NELL2: variants seen among roughly 807,000 people sequenced by gnomAD.
NELL2 encodes neural EGFL like 2.
Under a neutral mutation model 109.6 loss-of-function variants are expected in NELL2, and 41 were observed. The observed-to-expected ratio is 0.37, with a 90% CI of 0.29 to 0.49. The LOEUF (loss-of-function observed/expected upper bound fraction) is 0.49. Among genes scored for constraint, NELL2 ranks in the 20% least tolerant of loss-of-function variants. The pLI, the probability that NELL2 is intolerant of heterozygous loss-of-function variation, is 0.98. For missense variants in NELL2, 900 were observed against 1,008.3 expected (o/e 0.89, Z 1.45); for synonymous variants, 355 against 344.7 (o/e 1.03, Z -0.33).
At chr12:44,743,196 A>C (rs1201468443) in intron 9 of NELL2, among the ~76,000 whole-genome samples, 1 of 152,226 alleles carries the variant, frequency 6.6e-6, no homozygotes, top group African/African-American at 2.4e-5. Flanking sequence ...ATATCCACCC[A>C]AACTAAGCTT....
intron 9 of NELL2, among the ~76,000 whole-genome samples, chr12:44,730,582 AC>A (rs1939316732): frequency 6.6e-6 from 1 of 152,146 alleles, no homozygotes; most frequent in African/African-American, 2.4e-5. Context: ...ATACCTTGAG[AC>A]AAAGAAAATA....
intron 15 of NELL2, among the ~76,000 whole-genome samples, chr12:44,542,099 T>C (rs1021153695): frequency 1.3e-5 from 2 of 152,168 alleles, no homozygotes; most frequent in Non-Finnish European, 2.9e-5. Context: ...CTTAGAAGTT[T>C]TATGTTCCAT....
intron 13 of NELL2, among the ~76,000 whole-genome samples, chr12:44,646,655 T>C (rs562009513): frequency 6.6e-6 from 1 of 152,312 alleles, no homozygotes; most frequent in South Asian, 2.1e-4. Context: ...TACAGATGAC[T>C]GAAGCCATGG....
chr12:44,736,501 G>C, intron 9 of NELL2, among the ~76,000 whole-genome samples: 1 of 151,512 alleles, frequency 6.6e-6, no homozygotes, highest in African/African-American at 2.4e-5. Flanking sequence ...ATGTATAATT[G>C]ACCTTGCTTA....
intron 11 of NELL2, among the ~76,000 whole-genome samples, chr12:44,705,711 A>G (rs1287903907): frequency 1.3e-5 from 2 of 152,152 alleles, no homozygotes; most frequent in Non-Finnish European, 2.9e-5. Context: ...AAACCACTTT[A>G]TATTTATTCT....
At chr12:44,735,217 T>G (rs1939579777) in intron 9 of NELL2, among the ~76,000 whole-genome samples, 1 of 152,156 alleles carries the variant, frequency 6.6e-6, no homozygotes, top group Admixed American at 6.6e-5. Flanking sequence ...AATTTGACAT[T>G]TTTGTAGTCT....
chr12:44,684,757 G>C (rs1345956101), intron 12 of NELL2, among the ~76,000 whole-genome samples: 1 of 152,122 alleles, frequency 6.6e-6, no homozygotes, highest in East Asian at 1.9e-4. Context: ...CTGAGTTCTA[G>C]TTTGATTGCA....
chr12:44,851,376 T>G (rs1025785530), intron 2 of NELL2, among the ~76,000 whole-genome samples: 2 of 152,162 alleles, frequency 1.3e-5, no homozygotes, highest in Non-Finnish European at 2.9e-5. Context: ...TCTATGCATT[T>G]CCTTTCAGAA....
At chr12:44,676,598 G>A (rs1948328915) in intron 12 of NELL2, among the ~76,000 whole-genome samples, 1 of 152,022 alleles carries the variant, frequency 6.6e-6, no homozygotes, top group Admixed American at 6.6e-5. Context: ...CATTCATTTT[G>A]TAATTTCATT....
intron 13 of NELL2, 23 bp from the exon 14 acceptor site, chr12:44,610,993 G>T: frequency 5.6e-6 from 9 of 1,606,840 alleles, no homozygotes; most frequent in Non-Finnish European, 7.7e-6. Flanking sequence ...ATACAATTTT[G>T]TTACTCAAAG....
At chr12:44,643,850 T>G (rs1242182901) in intron 13 of NELL2, among the ~76,000 whole-genome samples, 1 of 152,082 alleles carries the variant, frequency 6.6e-6, no homozygotes, top group Admixed American at 6.6e-5. Context: ...TTTTGGAAAA[T>G]GAACAACAAC....
chr12:44,857,644 A>G (rs1944722068), intron 2 of NELL2, among the ~76,000 whole-genome samples: 1 of 152,194 alleles, frequency 6.6e-6, no homozygotes, highest in Admixed American at 6.5e-5. Context: ...TCCCCACAAT[A>G]TAGAACTCAA....
chr12:44,807,442 A>ATAG (rs1192065350), intron 3 of NELL2, among the ~76,000 whole-genome samples: 2 of 152,018 alleles, frequency 1.3e-5, no homozygotes, highest in South Asian at 4.1e-4. Context: ...ATGGTATTAG[A>ATAG]TAGTAAATCA....
intron 15 of NELL2, among the ~76,000 whole-genome samples, chr12:44,542,238 T>C (rs536400967): frequency 1.7e-4 from 26 of 152,048 alleles, no homozygotes; most frequent in African/African-American, 6.0e-4. Context: ...TTTGCAAGGA[T>C]ACACCCCTCT....
chr12:44,763,571 G>T (rs1288700821), intron 9 of NELL2, among the ~76,000 whole-genome samples: 1 of 152,008 alleles, frequency 6.6e-6, no homozygotes, highest in Non-Finnish European at 1.5e-5. Context: ...TCCTAAAACT[G>T]GTTAAAAAGG....
chr12:44,619,514 C>T (rs1413635815), intron 13 of NELL2, among the ~76,000 whole-genome samples: 1 of 151,992 alleles, frequency 6.6e-6, no homozygotes, highest in East Asian at 1.9e-4. Context: ...TCTTTTTAAT[C>T]CCTCTTTCCT....
chr12:44,813,993 G>C (rs1258691066), intron 3 of NELL2, among the ~76,000 whole-genome samples: 1 of 152,182 alleles, frequency 6.6e-6, no homozygotes, highest in Non-Finnish European at 1.5e-5. Flanking sequence ...AGAAGTATTA[G>C]GTGGAAAAAG....
intron 2 of NELL2, among the ~76,000 whole-genome samples, chr12:44,844,960 T>C (rs1287948578): frequency 6.6e-6 from 1 of 152,188 alleles, no homozygotes; most frequent in Non-Finnish European, 1.5e-5. Flanking sequence ...AGTTGCCACA[T>C]ACTTCCAGCC....
At chr12:44,792,802 T>C (rs1942482626) in intron 3 of NELL2, among the ~76,000 whole-genome samples, 1 of 152,190 alleles carries the variant, frequency 6.6e-6, no homozygotes, top group Admixed American at 6.5e-5. Context: ...AAGAGCTTTT[T>C]TAAAAGGCAG....
Sources: gnomAD v4.1 joint callset for allele counts (sites outside exome capture counted in the v4.1 genomes callset) on GRCh38, gnomAD v4.1.1 for gene constraint, MANE v1.5 for transcripts, NCBI Gene and HGNC (gene_info 2026-07-23, HGNC 2026-07-21) for gene names.